The following CLIC5 variants were observed in gnomAD, a reference collection of about 807,000 sequenced individuals.
CLIC5 encodes CLIC family member 5, also known as chloride intracellular channel protein 5.
Under a neutral mutation model 24.7 loss-of-function variants are expected in CLIC5, and 20 were observed. The ratio of observed to expected loss-of-function variants is 0.81; its 90% CI spans 0.57 to 1.18. The LOEUF (loss-of-function observed/expected upper bound fraction) is 1.18, where lower values mean the gene tolerates loss of function less well. CLIC5 is among the 50% of genes most tolerant of loss of function. The probability of loss-of-function intolerance (pLI) is 0.00; values close to 1 mark genes in which losing one functional copy is unlikely to be tolerated. For missense variants in CLIC5, 341 were observed against 326.1 expected, an observed-to-expected ratio of 1.05 and a Z score of -0.35; for synonymous variants, 159 against 135.6, an observed-to-expected ratio of 1.17 and a Z score of -1.20.
chr6:46,019,603 G>A (rs1222917222), upstream of CLIC5, among the ~76,000 whole-genome samples: 2 of 148,748 alleles, frequency 1.3e-5, no homozygotes, highest in African/African-American at 2.5e-5. Context: ...GGAGAATGGC[G>A]TGAACCCGGG....
intron 2 of CLIC5, among the ~76,000 whole-genome samples, chr6:45,954,532 G>A (rs529873588): frequency 6.5e-4 from 99 of 152,230 alleles, no homozygotes; most frequent in Non-Finnish European, 1.2e-3. Flanking sequence ...GGTGAGCCTC[G>A]AGCTGTTCCA....
At chr6:45,995,928 C>T (rs1766119494) in intron 1 of CLIC5, among the ~76,000 whole-genome samples, 1 of 151,910 alleles carries the variant, frequency 6.6e-6, no homozygotes. Flanking sequence ...CACATGGACA[C>T]AGGAAGTGGA....
the CLIC5 span, among the ~76,000 whole-genome samples, chr6:46,109,951 G>A: frequency 2.3e-3 from 350 of 152,114 alleles, 2 homozygotes; most frequent in African/African-American, 8.1e-3. Context: ...TGTGCTAAAG[G>A]GTGGAAGGCT....
At chr6:46,056,787 C>T (rs143880931) in intron 1 of CLIC5, among the ~76,000 whole-genome samples, 285 of 152,300 alleles carry the variant, frequency 1.9e-3, no homozygotes, top group African/African-American at 5.7e-3. Flanking sequence ...ATTATCTCTA[C>T]AAGTCAATGA....
intron 1 of CLIC5, among the ~76,000 whole-genome samples, chr6:45,982,689 G>A (rs1765606660): frequency 6.6e-6 from 1 of 152,148 alleles, no homozygotes; most frequent in African/African-American, 2.4e-5. Context: ...TCCGTCGTTG[G>A]CTGAAACGTT....
upstream of CLIC5, among the ~76,000 whole-genome samples, chr6:46,084,535 C>G (rs1762989747): frequency 6.6e-6 from 1 of 152,140 alleles, no homozygotes; most frequent in South Asian, 2.1e-4. Context: ...ACTTGTGAAG[C>G]TTAGTTTGGC....
chr6:46,097,815 A>T, the CLIC5 span, among the ~76,000 whole-genome samples: 1 of 152,128 alleles, frequency 6.6e-6, no homozygotes, highest in Admixed American at 6.5e-5. Context: ...AATTTAATTC[A>T]TATTTTTTTT....
chr6:46,068,600 T>C (rs1762506873), intron 1 of CLIC5, among the ~76,000 whole-genome samples: 1 of 152,140 alleles, frequency 6.6e-6, no homozygotes, highest in Admixed American at 6.5e-5. Flanking sequence ...CCCCCCAAGT[T>C]TGTATGTTGA....
At chr6:46,123,689 G>T in the CLIC5 span, among the ~76,000 whole-genome samples, 15 of 152,212 alleles carry the variant, frequency 9.9e-5, no homozygotes, top group South Asian at 1.2e-3. Flanking sequence ...AAACCCCATT[G>T]TCTCAGCCCA....
the CLIC5 span, among the ~76,000 whole-genome samples, chr6:46,116,688 A>G: frequency 6.6e-6 from 1 of 152,192 alleles, no homozygotes; most frequent in South Asian, 2.1e-4. Context: ...CAGAACTTAA[A>G]TTTTCTAGCA....
At chr6:45,957,167 G>A (rs1561963386) in intron 1 of CLIC5, among the ~76,000 whole-genome samples, 1 of 152,108 alleles carries the variant, frequency 6.6e-6, no homozygotes, top group Non-Finnish European at 1.5e-5. Flanking sequence ...CTCTGGTGGT[G>A]GTGGTGGGAG....
At chr6:45,912,409 G>A in intron 5 of CLIC5, 5 of 1,119,816 alleles carry the variant, frequency 4.5e-6, no homozygotes, top group Non-Finnish European at 5.5e-6. Flanking sequence ...GGAAATCACA[G>A]GATGAAGCCC....
intron 1 of CLIC5, among the ~76,000 whole-genome samples, chr6:46,046,634 G>A (rs1257949733): frequency 6.6e-6 from 1 of 152,178 alleles, no homozygotes; most frequent in African/African-American, 2.4e-5. Flanking sequence ...TTTTGATAAA[G>A]TCCACTTGAA....
At chr6:45,954,543 C>T (rs1430134521) in intron 2 of CLIC5, among the ~76,000 whole-genome samples, 8 of 152,106 alleles carry the variant, frequency 5.3e-5, no homozygotes, top group African/African-American at 2.4e-5. Flanking sequence ...AGCTGTTCCA[C>T]ATTTAAACAA....
At chr6:46,033,470 A>G (rs926041557) in intron 1 of CLIC5, among the ~76,000 whole-genome samples, 2 of 152,342 alleles carry the variant, frequency 1.3e-5, no homozygotes, top group Admixed American at 1.3e-4. Flanking sequence ...CATCAAATCT[A>G]TACTTTTGAT....
intron 1 of CLIC5, among the ~76,000 whole-genome samples, chr6:46,071,978 G>A (rs1292080195): frequency 6.6e-6 from 1 of 151,996 alleles, no homozygotes; most frequent in African/African-American, 2.4e-5. Context: ...GCAAACTAAT[G>A]CAGGAACAGA....
At chr6:46,105,813 G>A in the CLIC5 span, among the ~76,000 whole-genome samples, 1 of 152,192 alleles carries the variant, frequency 6.6e-6, no homozygotes. Flanking sequence ...GCAATGGCTG[G>A]TGGGTCACTG....
chr6:46,029,638 G>A (rs1433542361), intron 1 of CLIC5, among the ~76,000 whole-genome samples: 1 of 152,066 alleles, frequency 6.6e-6, no homozygotes, highest in African/African-American at 2.4e-5. Flanking sequence ...ACTGAAAGAG[G>A]CCCTCTTCCC....
chr6:46,028,622 T>G (rs1345013701), intron 1 of CLIC5, among the ~76,000 whole-genome samples: 2 of 152,028 alleles, frequency 1.3e-5, no homozygotes, highest in East Asian at 3.9e-4. Context: ...TATGATCTAT[T>G]TTCTCTCCCT....
Sources: gnomAD v4.1 joint callset for allele counts (sites outside exome capture counted in the v4.1 genomes callset) on GRCh38, gnomAD v4.1.1 for gene constraint, MANE v1.5 for transcripts, NCBI Gene and HGNC (gene_info 2026-07-23, HGNC 2026-07-21) for gene names.